The following TJP1 variants were observed in gnomAD, a reference collection of about 807,000 sequenced individuals.
TJP1 encodes the protein tight junction protein 1.
TJP1 carries 43 observed loss-of-function variants against 194.2 expected under a neutral mutation model. The ratio of observed to expected loss-of-function variants is 0.22; its 90% CI spans 0.17 to 0.29. The LOEUF (loss-of-function observed/expected upper bound fraction) is 0.29. TJP1 is among the 10% of genes least tolerant of loss of function. The probability of loss-of-function intolerance (pLI) is 1.00; values close to 1 mark genes in which losing one functional copy is unlikely to be tolerated. For synonymous variants in TJP1, 801 were observed against 779.0 expected (o/e 1.03, Z -0.47); for missense variants, 1,971 against 2,185.7 (o/e 0.90, Z 1.96).
chr15:29,884,868 C>T (rs2053062438), intron 2 of TJP1, among the ~76,000 whole-genome samples: 1 of 152,106 alleles, frequency 6.6e-6, no homozygotes, highest in African/African-American at 2.4e-5. Flanking sequence ...TTCAGATGAC[C>T]CAGATGACTT....
intron 2 of TJP1, among the ~76,000 whole-genome samples, chr15:29,841,783 T>A (rs2051234276): frequency 6.6e-6 from 1 of 151,798 alleles, no homozygotes; most frequent in Non-Finnish European, 1.5e-5. Flanking sequence ...TCATAAAAAA[T>A]ACAACCTATA....
chr15:29,749,339 C>T (rs1033239305), intron 8 of TJP1, among the ~76,000 whole-genome samples: 2 of 152,088 alleles, frequency 1.3e-5, no homozygotes, highest in African/African-American at 4.8e-5. Flanking sequence ...TTAGGTCTTA[C>T]CCAATCAAAT....
At chr15:29,724,089 G>A (rs1005206784) in intron 18 of TJP1, among the ~76,000 whole-genome samples, 1 of 152,220 alleles carries the variant, frequency 6.6e-6, no homozygotes, top group East Asian at 1.9e-4. Flanking sequence ...CTGCAGGTCT[G>A]CTGTGCCAGA....
At chr15:29,946,797 A>C (rs1437809656) in intron 2 of TJP1, among the ~76,000 whole-genome samples, 1 of 152,244 alleles carries the variant, frequency 6.6e-6, no homozygotes, top group Non-Finnish European at 1.5e-5. Flanking sequence ...ATTATAAAGC[A>C]ATCTAATTTT....
intron 2 of TJP1, among the ~76,000 whole-genome samples, chr15:29,909,515 A>G (rs1444428253): frequency 2.0e-5 from 3 of 152,038 alleles, no homozygotes; most frequent in African/African-American, 7.2e-5. Context: ...TGAAAGTTGG[A>G]AAGAACCTAA....
chr15:29,848,054 T>C (rs2051486424), intron 2 of TJP1, among the ~76,000 whole-genome samples: 1 of 152,160 alleles, frequency 6.6e-6, no homozygotes, highest in African/African-American at 2.4e-5. Context: ...TTGATTTCAT[T>C]GTGGCAGAGA....
chr15:29,720,911 G>T, intron 18 of TJP1, among the ~76,000 whole-genome samples: 1 of 152,184 alleles, frequency 6.6e-6, no homozygotes, highest in East Asian at 1.9e-4. Context: ...TGAAGGGCAT[G>T]GATGAAGGAA....
intron 1 of TJP1, among the ~76,000 whole-genome samples, chr15:29,817,674 G>A (rs1197881586): frequency 1.3e-5 from 2 of 152,200 alleles, no homozygotes; most frequent in Non-Finnish European, 2.9e-5. Context: ...ATGAGTTCAT[G>A]TCCTTTGCAG....
In TJP1 at chr15:29,732,724, A is replaced by T. The variant is rs1351960099; in HGVS notation, c.1828T>A (p.Ser610Thr). 1.2e-6 allele frequency: 2 copies of T among 1,614,190 alleles called. No homozygotes were observed. The highest frequency in any genetic ancestry group is 1.7e-6 in the Non-Finnish European group (2 of 1,180,034). The change falls in exon 14 of 28, where the codon TCC (serine) becomes ACC (threonine). Residue 610 changes from serine (S) to threonine (T), a missense_variant. Physicochemically the swap from Ser to Thr is moderately conservative, Grantham distance 58 (BLOSUM62 1). Coordinates refer to ENST00000614355, the MANE Select transcript of TJP1 (RefSeq NM_001330239.4). Reference sequence around the variant, plus strand: ...CTGCTTTTTCGAAGATTTCTCTTGGAGCTGCGAAGACCTCTGAATCTCCAG... The same window carrying T: ...CTGCTTTTTCGAAGATTTCTCTTGGTGCTGCGAAGACCTCTGAATCTCCAG... The part of the protein sequence containing the change: ...DFWRFRGLRS[S>T]KRNLRKSRED...
At chr15:29,965,752 C>G (rs1330242256) in intron 1 of TJP1, among the ~76,000 whole-genome samples, 1 of 152,148 alleles carries the variant, frequency 6.6e-6, no homozygotes, top group African/African-American at 2.4e-5. Flanking sequence ...TCTGGCGGCA[C>G]AATGTTCTCC....
chr15:29,810,798 C>T (rs542705872), intron 1 of TJP1, among the ~76,000 whole-genome samples: 3 of 152,170 alleles, frequency 2.0e-5, no homozygotes, highest in East Asian at 3.9e-4. Flanking sequence ...GCAAGGTTTC[C>T]GGGTAGAAAA....
chr15:29,934,028 GA>G (rs58315295), intron 2 of TJP1, among the ~76,000 whole-genome samples: 22,579 of 151,828 alleles, frequency 0.15, 2,041 homozygotes, highest in East Asian at 0.38. Flanking sequence ...TATAAGAGAC[GA>G]AAAAAAATCC....
At chr15:29,792,183 C>T (rs984044894) in intron 2 of TJP1, among the ~76,000 whole-genome samples, 4 of 152,168 alleles carry the variant, frequency 2.6e-5, no homozygotes, top group Non-Finnish European at 5.9e-5. Context: ...ACTCAAGAAA[C>T]CTTAGCCCAT....
Position 29,909,619 on chromosome 15 carries a change from T to C in TJP1, c.306+46613A>G, listed in dbSNP as rs146305640. Reference sequence around the variant, plus strand: ...GTTCACTTTCTTGATGCCCAAGTCCTGAGTCCTCAGCACCTACAGGAGAAA... The same window carrying C: ...GTTCACTTTCTTGATGCCCAAGTCCCGAGTCCTCAGCACCTACAGGAGAAA... On this transcript the variant is annotated intron_variant, in intron 2 of 28. Transcript: ENST00000356107. 3.5e-3 allele frequency among the ~76,000 whole-genome samples: 526 copies of C among 152,252 alleles called. 7 individuals carry two copies. Among genetic ancestry groups the C allele is most frequent in the African/African-American group, 0.012 (505 of 41,556 alleles).
At chr15:29,730,484 C>A (rs373029906) in intron 15 of TJP1, among the ~76,000 whole-genome samples, 1 of 151,948 alleles carries the variant, frequency 6.6e-6, no homozygotes, top group South Asian at 2.1e-4. Context: ...GTAGTCCTAG[C>A]TGCTTGGAAG....
At chr15:29,863,189 G>A (rs2052160856) in intron 2 of TJP1, among the ~76,000 whole-genome samples, 1 of 151,886 alleles carries the variant, frequency 6.6e-6, no homozygotes, top group South Asian at 2.1e-4. Flanking sequence ...CCAGCCACTT[G>A]GGAGGCTGAG....
chr15:29,822,349 C>T lies in TJP1; in HGVS notation c.-321G>A. The T allele has an allele frequency of 1.0e-5, 11 of 1,052,212 alleles. No individual in the cohort carries two copies. The highest frequency in any genetic ancestry group is 1.3e-5 in the Non-Finnish European group (11 of 872,954). The allele number at this position is 1,052,212 out of a possible 1,614,324, so 65.2% of individuals were successfully genotyped here. On this transcript the variant is annotated 5_prime_UTR_variant, in exon 1 of 28. The change creates a new upstream start codon in the 5' untranslated region. Coordinates refer to ENST00000614355, the MANE Select transcript of TJP1 (RefSeq NM_001330239.4). ...CCCGGTCGCCCGCCCGTCAGCAGCACCCGTGGCCTCCCGGCGTCTCCTCGG... is the reference window on the plus strand; with the variant it reads ...CCCGGTCGCCCGCCCGTCAGCAGCATCCGTGGCCTCCCGGCGTCTCCTCGG...
In TJP1 at chr15:29,726,940, A is replaced by C. The variant is rs1240731011; in HGVS notation, c.2152T>G (p.Tyr718Asp). 6.2e-7 allele frequency: 1 copy of C among 1,614,116 alleles called. No individual in the cohort carries two copies. Among genetic ancestry groups the C allele is most frequent in the Non-Finnish European group, 8.5e-7 (1 of 1,180,054 alleles). Residue 718 changes from tyrosine to aspartate, a missense_variant, in exon 17 of 28, where the codon TAT becomes GAT. This residue lies in a region of TJP1 where 402 missense variants were observed against 484.2 expected (regional missense o/e 0.83). Coordinates refer to ENST00000614355, the MANE Select transcript of TJP1 (RefSeq NM_001330239.4). ...VTPNAVDRLN[Y>D]AQWYPIVVFL... is the part of the protein sequence containing the mutation. ...ACAACAATTGGATACCACTGGGCAT[A>C]GTTAAGACGATCAACTGCATTTGGT...
chr15:29,721,665 C>G (rs1802952579), intron 18 of TJP1, among the ~76,000 whole-genome samples: 1 of 152,220 alleles, frequency 6.6e-6, no homozygotes, highest in East Asian at 1.9e-4. Context: ...GAGGTTGGAA[C>G]AGTTTGGAGG....
Sources: gnomAD v4.1 joint callset for allele counts (sites outside exome capture counted in the v4.1 genomes callset) on GRCh38, gnomAD v4.1.1 for gene constraint, gnomAD v4.1.1 regional missense constraint, MANE v1.5 for transcripts, NCBI Gene and HGNC (gene_info 2026-07-23, HGNC 2026-07-21) for gene names.